The following ABHD6 variants were observed in gnomAD, a reference collection of about 807,000 sequenced individuals.
ABHD6 encodes the protein monoacylglycerol lipase ABHD6.
ABHD6 carries 33 observed loss-of-function variants against 38.8 expected under a neutral mutation model. The observed-to-expected ratio is 0.85, with a 90% CI of 0.64 to 1.14. ABHD6 has a LOEUF of 1.14. Among genes scored for constraint, ABHD6 ranks in the 50% most tolerant of loss-of-function variants. The pLI is 0.00. For synonymous variants in ABHD6, 147 were observed against 161.6 expected (o/e 0.91, Z 0.69); for missense variants, 380 against 422.6 (o/e 0.90, Z 0.88).
intron 6 of ABHD6, among the ~76,000 whole-genome samples, chr3:58,271,766 G>GTTTCTTTTTTTTT (rs2097445101): frequency 1.6e-5 from 1 of 63,618 alleles, no homozygotes; most frequent in Non-Finnish European, 2.6e-5. Context: ...CCCTCTCTCT[G>GTTTCTTTTTTTTT]TTTTTTTTTT....
rs370608817 is a variant in ABHD6, at chr3:58,267,159, C to T, written c.120-30C>T. ...CCACTCATCTAGAGCTTACTGATTT[C>T]GTTTTGTCTTTATTTCTCACCCCTT... On this transcript the variant is annotated intron_variant, in intron 3 of 9. Transcript: ENST00000478253. This position sits in a 1 kb window ranked among gnomAD's most constrained non-coding sequence, Gnocchi z 4.3. 35 of 1,610,824 alleles carry T rather than the reference C, an allele frequency of 2.2e-5. No individual in the cohort carries two copies. The highest frequency in any genetic ancestry group is 1.7e-4 in the Middle Eastern group (1 of 5,816).
intron 2 of ABHD6, among the ~76,000 whole-genome samples, chr3:58,252,226 C>CTTTTTT (rs1238327583): frequency 2.7e-4 from 19 of 71,242 alleles, no homozygotes; most frequent in South Asian, 1.0e-3. Context: ...AAATTGACTG[C>CTTTTTT]TTGTTTTTTT....
At chr3:58,264,607 G>A (rs565199102) in intron 3 of ABHD6, among the ~76,000 whole-genome samples, 1 of 152,138 alleles carries the variant, frequency 6.6e-6, no homozygotes, top group East Asian at 1.9e-4. Context: ...GGGAGGGTCA[G>A]TTGGGCTTAG....
chr3:58,246,824 G>A (rs1297313469), intron 1 of ABHD6, among the ~76,000 whole-genome samples: 2 of 152,162 alleles, frequency 1.3e-5, no homozygotes, highest in Non-Finnish European at 2.9e-5. Flanking sequence ...TGGACTTTGA[G>A]TCTTAAGGAC....
chr3:58,243,717 G>T (rs765080325), intron 1 of ABHD6, among the ~76,000 whole-genome samples: 12 of 151,948 alleles, frequency 7.9e-5, no homozygotes, highest in Non-Finnish European at 1.8e-4. Flanking sequence ...CTGGAGCGCA[G>T]TGGCACGAAC....
rs1307429032 is a variant in ABHD6 at position 58,251,399 on chromosome 3, G to A, written c.-26+1457G>A. 6.6e-6 allele frequency among the ~76,000 whole-genome samples: 1 copy of A among 152,152 alleles called. No individual in the cohort carries two copies. Among genetic ancestry groups the A allele is most frequent in the South Asian group, 2.1e-4 (1 of 4,812 alleles). ...GATGTGTCTATGAGATTCTATGAAA[G>A]TGTTTTACGTTGTTTATTCTTGGAT... On this transcript the variant is annotated intron_variant, in intron 2 of 9. Coordinates refer to ENST00000478253, the MANE Select transcript of ABHD6 (RefSeq NM_001320126.2). The surrounding 1 kb of genome is among the most constrained non-coding windows in gnomAD (Gnocchi z 5.4).
intron 1 of ABHD6, among the ~76,000 whole-genome samples, chr3:58,245,487 C>T (rs1020825435): frequency 6.6e-6 from 1 of 151,616 alleles, no homozygotes; most frequent in African/African-American, 2.4e-5. Flanking sequence ...TTTAGAAAGG[C>T]AAAACCCCAG....
chr3:58,274,767 T>C lies in ABHD6; in HGVS notation c.633T>C (p.Ser211=). Residue 211 remains serine, a synonymous_variant, in exon 7 of 10, where the codon AGT becomes AGC. Transcript: ENST00000478253. ...TCCCGTCTACCCCAGAAGAGATGAGTGAAATGCTTCAGCTCTGCTCCTATG... is the reference window on the plus strand; with the variant it reads ...TCCCGTCTACCCCAGAAGAGATGAGCGAAATGCTTCAGCTCTGCTCCTATG... The part of the protein sequence containing the change: ...PLIPSTPEEM[S]EMLQLCSYVR... 6.2e-7 allele frequency: 1 copy of C among 1,614,142 alleles called. No homozygotes were observed. Among genetic ancestry groups the C allele is most frequent in the African/African-American group, 1.3e-5 (1 of 75,030 alleles).
rs1014576975 is a variant in ABHD6, at chr3:58,251,131, G to A, written c.-26+1189G>A. Among the ~76,000 whole-genome samples, 7 of 151,988 alleles carry A rather than the reference G, an allele frequency of 4.6e-5. No homozygotes were observed. The highest frequency in any genetic ancestry group is 1.7e-4 in the African/African-American group (7 of 41,364). Reference sequence around the variant, plus strand: ...AGGTCAGGAGTTCGAGACCAGCCCAGCATGGTGAAACCCTGTCTCTACTAA... The same window carrying A: ...AGGTCAGGAGTTCGAGACCAGCCCAACATGGTGAAACCCTGTCTCTACTAA... On this transcript the variant is annotated intron_variant, in intron 2 of 9. Coordinates refer to ENST00000478253, the MANE Select transcript of ABHD6 (RefSeq NM_001320126.2). The surrounding 1 kb of genome is among the most constrained non-coding windows in gnomAD (Gnocchi z 5.4).
intron 1 of ABHD6, among the ~76,000 whole-genome samples, chr3:58,246,513 T>G (rs1258545566): frequency 6.6e-6 from 1 of 152,184 alleles, no homozygotes; most frequent in East Asian, 1.9e-4. Context: ...TCTCTGATCC[T>G]CCACCCACAG....
At chr3:58,291,836 T>C (rs536321363) in intron 9 of ABHD6, among the ~76,000 whole-genome samples, 4 of 152,274 alleles carry the variant, frequency 2.6e-5, no homozygotes, top group Admixed American at 1.3e-4. Flanking sequence ...TCATCCCAGC[T>C]ACCTGGGGGG....
At chr3:58,244,231 C>T (rs891638493) in intron 1 of ABHD6, among the ~76,000 whole-genome samples, 14 of 152,090 alleles carry the variant, frequency 9.2e-5, no homozygotes, top group African/African-American at 3.1e-4. Context: ...GATGATGTGT[C>T]AAAGCAATAA....
At chr3:58,240,028 T>C (rs896157488) in intron 1 of ABHD6, among the ~76,000 whole-genome samples, 3 of 151,278 alleles carry the variant, frequency 2.0e-5, no homozygotes, top group Non-Finnish European at 4.4e-5. Context: ...GTTGCGTACC[T>C]GTAGTCCCGG....
At chr3:58,258,718 C>A (rs368168194) in intron 3 of ABHD6, 1 of 154,134 alleles carries the variant, frequency 6.5e-6, no homozygotes, top group African/African-American at 2.4e-5. Context: ...CCTTTATCTG[C>A]CCTCCTTTCT....
intron 2 of ABHD6, among the ~76,000 whole-genome samples, chr3:58,254,740 C>T (rs1175764485): frequency 6.6e-6 from 1 of 151,760 alleles, no homozygotes; most frequent in African/African-American, 2.4e-5. Context: ...CAGGTCCTTC[C>T]AGGGGTTTTC....
rs898739485 is a variant in ABHD6 at position 58,273,888 on chromosome 3, A to G, written c.524-770A>G. On this transcript the variant is annotated intron_variant, in intron 6 of 9. Transcript: ENST00000478253. The surrounding 1 kb of genome is among the most constrained non-coding windows in gnomAD (Gnocchi z 4.8). ...CCCATGTATCCCAGAACTTAAAGTA[A>G]AAAAAGAAAAAAAAATCTAATTATT... Among the ~76,000 whole-genome samples, 2 of 152,168 alleles carry G rather than the reference A, an allele frequency of 1.3e-5. No individual in the cohort carries two copies. The highest frequency in any genetic ancestry group is 2.9e-5 in the Non-Finnish European group (2 of 68,026).
intron 1 of ABHD6, among the ~76,000 whole-genome samples, chr3:58,246,362 G>A (rs2097426384): frequency 6.6e-6 from 1 of 152,152 alleles, no homozygotes; most frequent in South Asian, 2.1e-4. Flanking sequence ...CTTGCTTCTT[G>A]GCCAGCATGA....
intron 1 of ABHD6, among the ~76,000 whole-genome samples, chr3:58,239,782 G>A (rs1002695582): frequency 6.6e-6 from 1 of 151,880 alleles, no homozygotes; most frequent in Admixed American, 6.6e-5. Context: ...TATGCGTTGG[G>A]TGAGGTCTAT....
Position 58,251,121 on chromosome 3 carries a change from G to C in ABHD6, c.-26+1179G>C, listed in dbSNP as rs1269830456. Among the ~76,000 whole-genome samples the C allele has an allele frequency of 1.3e-5, 2 of 152,072 alleles. No individual in the cohort carries two copies. The highest frequency in any genetic ancestry group is 2.9e-5 in the Non-Finnish European group (2 of 68,006). ...GGATCACCTGAGGTCAGGAGTTCGA[G>C]ACCAGCCCAGCATGGTGAAACCCTG... is the stretch of plus-strand genomic sequence containing the variant. On this transcript the variant is annotated intron_variant, in intron 2 of 9. Transcript: ENST00000478253. This position sits in a 1 kb window ranked among gnomAD's most constrained non-coding sequence, Gnocchi z 5.4.
Sources: allele counts gnomAD v4.1 joint callset (sites outside exome capture counted in the v4.1 genomes callset), GRCh38; gene constraint gnomAD v4.1.1; non-coding constraint Gnocchi (gnomAD v3.1); transcripts MANE v1.5; gene names NCBI Gene and HGNC (gene_info 2026-07-23, HGNC 2026-07-21).